The following OSBPL10 variants were observed in gnomAD, a reference collection of about 807,000 sequenced individuals.
OSBPL10 encodes oxysterol-binding protein-related protein 10.
A neutral mutation model predicts 81.7 loss-of-function variants in OSBPL10; 49 were observed. The ratio of observed to expected loss-of-function variants is 0.60; its 90% CI spans 0.48 to 0.76. The LOEUF (loss-of-function observed/expected upper bound fraction) is 0.76, where lower values mean the gene tolerates loss of function less well. OSBPL10 is among the 30% of genes least tolerant of loss of function. OSBPL10 has a pLI of 0.00. For synonymous variants in OSBPL10, 419 were observed against 383.6 expected (o/e 1.09, Z -1.08); for missense variants, 923 against 987.8 (o/e 0.93, Z 0.88).
intron 1 of OSBPL10, among the ~76,000 whole-genome samples, chr3:31,889,163 A>G (rs114770622): frequency 0.029 from 4,404 of 152,260 alleles, 214 homozygotes; most frequent in African/African-American, 0.1. Flanking sequence ...AATGCTGGTG[A>G]AGATACAAAG....
chr3:31,876,801 T>G (rs1274557340), intron 2 of OSBPL10, among the ~76,000 whole-genome samples: 1 of 152,188 alleles, frequency 6.6e-6, no homozygotes, highest in African/African-American at 2.4e-5. Context: ...CTGAAAAAAG[T>G]CATTTCTATA....
intron 1 of OSBPL10, among the ~76,000 whole-genome samples, chr3:31,911,565 T>C (rs1262765079): frequency 6.6e-6 from 1 of 152,036 alleles, no homozygotes; most frequent in Non-Finnish European, 1.5e-5. Context: ...AAGAATTGTC[T>C]TGGGCCACAC....
At chr3:31,938,597 C>T (rs969425513) in intron 1 of OSBPL10, among the ~76,000 whole-genome samples, 1 of 152,126 alleles carries the variant, frequency 6.6e-6, no homozygotes, top group Non-Finnish European at 1.5e-5. Context: ...CAGCCTTGAC[C>T]TCCTGGACTC....
intron 3 of OSBPL10, among the ~76,000 whole-genome samples, chr3:31,869,224 C>CAA (rs143695055): frequency 3.3e-5 from 5 of 152,058 alleles, no homozygotes; most frequent in African/African-American, 9.6e-5. Context: ...TCAGAAAGTA[C>CAA]AAAAAAATGG....
chr3:31,963,169 GCT>G (rs1266363006), intron 1 of OSBPL10, among the ~76,000 whole-genome samples: 3 of 151,722 alleles, frequency 2.0e-5, no homozygotes, highest in Admixed American at 6.6e-5. Flanking sequence ...GCTTTATCAT[GCT>G]CTCTAGCCAT....
At chr3:31,678,079 C>T (rs1282293633) in intron 8 of OSBPL10, among the ~76,000 whole-genome samples, 1 of 112,658 alleles carries the variant, frequency 8.9e-6, no homozygotes, top group Non-Finnish European at 1.7e-5. Flanking sequence ...CAGAGCGAGA[C>T]TCCGTCTCAA....
chr3:32,023,965 T>A (rs1699380576), intron 2 of OSBPL10, among the ~76,000 whole-genome samples: 1 of 152,198 alleles, frequency 6.6e-6, no homozygotes, highest in African/African-American at 2.4e-5. Context: ...AAACTGTTTA[T>A]TTCTGGGATT....
chr3:31,727,058 C>A (rs1355418227), intron 6 of OSBPL10, among the ~76,000 whole-genome samples: 1 of 152,032 alleles, frequency 6.6e-6, no homozygotes, highest in Admixed American at 6.5e-5. Flanking sequence ...GTCTTGACCT[C>A]CTCGCCTCAA....
intron 4 of OSBPL10, among the ~76,000 whole-genome samples, chr3:31,800,990 A>T (rs1699363421): frequency 7.3e-6 from 1 of 136,194 alleles, no homozygotes; most frequent in South Asian, 2.7e-4. Context: ...AAAAAAAGTT[A>T]ACCTTTTAAG....
intron 4 of OSBPL10, among the ~76,000 whole-genome samples, chr3:31,779,487 A>G (rs936636276): frequency 6.6e-6 from 1 of 152,244 alleles, no homozygotes; most frequent in Non-Finnish European, 1.5e-5. Context: ...CATAATGATA[A>G]AATGATCAGT....
At chr3:32,006,361 C>T (rs1020839973) in intron 2 of OSBPL10, among the ~76,000 whole-genome samples, 1 of 152,196 alleles carries the variant, frequency 6.6e-6, no homozygotes, top group Non-Finnish European at 1.5e-5. Flanking sequence ...ATTTCTGTCA[C>T]TTTTTGATGA....
At chr3:31,850,809 A>G (rs552055384) in intron 3 of OSBPL10, among the ~76,000 whole-genome samples, 1 of 152,348 alleles carries the variant, frequency 6.6e-6, no homozygotes, top group South Asian at 2.1e-4. Context: ...AAAACACAAG[A>G]AGGAAATGCT....
chr3:31,736,254 G>A (rs1697171547), intron 5 of OSBPL10, among the ~76,000 whole-genome samples: 1 of 152,084 alleles, frequency 6.6e-6, no homozygotes, highest in African/African-American at 2.4e-5. Context: ...GTACTGAGAT[G>A]TACACATAAA....
At chr3:31,824,401 A>G (rs1015621228) in intron 4 of OSBPL10, among the ~76,000 whole-genome samples, 1 of 152,128 alleles carries the variant, frequency 6.6e-6, no homozygotes, top group Non-Finnish European at 1.5e-5. Flanking sequence ...CTATTGTTAC[A>G]GTGTTCTGTT....
chr3:31,908,671 C>A (rs1222002315), intron 1 of OSBPL10, among the ~76,000 whole-genome samples: 1 of 152,208 alleles, frequency 6.6e-6, no homozygotes, highest in African/African-American at 2.4e-5. Context: ...CCTATTACTT[C>A]AGGATGTTTG....
rs562382683 is a variant in OSBPL10 at position 32,031,197 on chromosome 3, C to G, written n.298+15294G>C. On this transcript the variant is annotated intron_variant and non_coding_transcript_variant, in intron 2 of 3. Coordinates refer to the OSBPL10 transcript ENST00000479173. ...AAGAAAAGAAAAAGAAAAAAGAAAA[C>G]AATTGAGGAGAACTTAAGTGACAAA... Among the ~76,000 whole-genome samples, 14 of 151,214 alleles carry G rather than the reference C, an allele frequency of 9.3e-5. No homozygotes were observed. In the South Asian group the frequency reaches 1.7e-3, roughly 18 times the overall value.
intron 2 of OSBPL10, among the ~76,000 whole-genome samples, chr3:32,003,717 G>C (rs1231250096): frequency 6.6e-6 from 1 of 152,172 alleles, no homozygotes; most frequent in Non-Finnish European, 1.5e-5. Context: ...AGGTGGACCT[G>C]GGCATCGGAG....
At position 31,934,695 on chromosome 3, in the gene OSBPL10, A is replaced by AC. The variant is rs144692753; in HGVS notation, c.281+46203_281+46204insG. Among the ~76,000 whole-genome samples, 389 of 152,100 alleles carry AC rather than the reference A, an allele frequency of 2.6e-3. 4 individuals carry two copies. The highest frequency in any genetic ancestry group is 8.9e-3 in the African/African-American group (369 of 41,472). On this transcript the variant is annotated intron_variant, in intron 1 of 11. Transcript: ENST00000396556. ...AGAAAATTCATTTTTATAGAAAAAA[A>AC]AAGGCTGACTATATTACTACATTTC... is the stretch of plus-strand genomic sequence containing the variant.
intron 3 of OSBPL10, among the ~76,000 whole-genome samples, chr3:31,841,336 TCTA>T (rs1700492490): frequency 6.6e-6 from 1 of 152,230 alleles, no homozygotes; most frequent in Non-Finnish European, 1.5e-5. Flanking sequence ...TACTTATTTT[TCTA>T]CTAATTTCTG....
Sources: allele counts gnomAD v4.1 joint callset (sites outside exome capture counted in the v4.1 genomes callset), GRCh38; gene constraint gnomAD v4.1.1; transcripts MANE v1.5; gene names NCBI Gene and HGNC (gene_info 2026-07-23, HGNC 2026-07-21).